The following RIPK3 variants were observed in gnomAD, a reference collection of about 807,000 sequenced individuals.
The protein encoded by RIPK3 is receptor-interacting serine/threonine-protein kinase 3.
A neutral mutation model predicts 51.6 loss-of-function variants in RIPK3; 51 were observed. The observed-to-expected ratio is 0.99, with a 90% CI of 0.79 to 1.25. RIPK3 has a LOEUF of 1.25. Among genes scored for constraint, RIPK3 ranks in the 50% most tolerant of loss-of-function variants. RIPK3 has a pLI of 0.00. For missense variants in RIPK3, 654 were observed against 650.4 expected, an observed-to-expected ratio of 1.01 and a Z score of -0.06; for synonymous variants, 246 against 257.7, an observed-to-expected ratio of 0.95 and a Z score of 0.44.
Position 24,338,248 on chromosome 14 carries a change from C to A in RIPK3, c.664+1G>T. The A allele has an allele frequency of 6.6e-7, 1 of 1,524,550 alleles. No homozygotes were observed. The highest frequency in any genetic ancestry group is 8.8e-7 in the Non-Finnish European group (1 of 1,136,524). 94.4% of individuals were successfully genotyped at this position (1,524,550 alleles called of 1,614,324 possible). On this transcript the variant is annotated splice_donor_variant, in intron 5 of 9. Coordinates refer to ENST00000216274, the MANE Select transcript of RIPK3 (RefSeq NM_006871.4). LOFTEE classifies it high-confidence loss of function. ...ATCCCAGAATCCTCCTAGAGTCTTA[C>A]ACTCAACTTCTCTTCCAGCAAGCAC... is the stretch of plus-strand genomic sequence containing the variant.
Position 24,339,647 on chromosome 14 carries a change from G to C in RIPK3, c.21-50C>G. On this transcript the variant is annotated intron_variant, in intron 1 of 9. Coordinates refer to ENST00000216274, the MANE Select transcript of RIPK3 (RefSeq NM_006871.4). This position sits in a 1 kb window ranked among gnomAD's most constrained non-coding sequence, Gnocchi z 4.0. ...GCCGGCCGTGCCGTGCCTCAGCGCT[G>C]CTCCCCGCGCCCCTGTGACTCGGCG... 6.2e-7 allele frequency: 1 copy of C among 1,609,352 alleles called. No homozygotes were observed. Among genetic ancestry groups the C allele is most frequent in the Non-Finnish European group, 8.5e-7 (1 of 1,176,826 alleles).
chr14:24,339,279 G>C lies in RIPK3; in HGVS notation c.207C>G (p.Asn69Lys). 1 of 1,613,780 alleles carries C rather than the reference G, an allele frequency of 6.2e-7. No homozygotes were observed. The highest frequency in any genetic ancestry group is 1.1e-5 in the South Asian group (1 of 91,078). Residue 69 changes from asparagine (N) to lysine (K), a missense_variant, in exon 3 of 10, where the codon AAC becomes AAG. Coordinates refer to ENST00000216274, the MANE Select transcript of RIPK3 (RefSeq NM_006871.4). This position sits in a 1 kb window ranked among gnomAD's most constrained non-coding sequence, Gnocchi z 4.0. ...CCCCTTCTAGGCGCAGCACGAATTCGTTATCCAGACTTGCCATGGCCTTGA... is the reference window on the plus strand; with the variant it reads ...CCCCTTCTAGGCGCAGCACGAATTCCTTATCCAGACTTGCCATGGCCTTGA... ...REVKAMASLDNEFVLRLEGVI... is the reference protein window; with the variant it reads ...REVKAMASLDKEFVLRLEGVI...
At chr14:24,338,989 G>C in intron 3 of RIPK3, 26 bp downstream of exon 3, 1 of 1,586,162 alleles carries the variant, frequency 6.3e-7, no homozygotes, top group Non-Finnish European at 8.7e-7. Flanking sequence ...TTGTCTTGAG[G>C]CTGAGAGGGG....
In RIPK3 at chr14:24,339,492, C is replaced by T; in HGVS notation, c.126G>A (p.Lys42=). The T allele has an allele frequency of 6.2e-7, 1 of 1,614,230 alleles. No homozygotes were observed. The change falls in exon 2 of 10, where the codon AAG becomes AAA. Residue 42 remains lysine, a synonymous_variant. Transcript: ENST00000216274. This position sits in a 1 kb window ranked among gnomAD's most constrained non-coding sequence, Gnocchi z 4.0. ...FGTVFRAQHR[K]WGYDVAVKIV... ...TCTTGACCGCCACATCGTAGCCCCACTTCCTATGTTGCGCCCGGAACACTG... is the reference window on the plus strand; with the variant it reads ...TCTTGACCGCCACATCGTAGCCCCATTTCCTATGTTGCGCCCGGAACACTG...
At position 24,339,607 on chromosome 14, in the gene RIPK3, G is replaced by C; in HGVS notation, c.21-10C>G. On this transcript the variant is annotated splice_polypyrimidine_tract_variant and intron_variant, in intron 1 of 9. Transcript: ENST00000216274. This position sits in a 1 kb window ranked among gnomAD's most constrained non-coding sequence, Gnocchi z 4.0. Reference sequence around the variant, plus strand: ...GGGGGCACCGCTGGGCCTGAGAGAGGGGTGTCGCCCACTAGCCGGCCGTGC... The same window carrying C: ...GGGGGCACCGCTGGGCCTGAGAGAGCGGTGTCGCCCACTAGCCGGCCGTGC... 1 of 1,613,888 alleles carries C rather than the reference G, an allele frequency of 6.2e-7. No homozygotes were observed. The highest frequency in any genetic ancestry group is 8.5e-7 in the Non-Finnish European group (1 of 1,179,942).
Position 24,339,618 on chromosome 14 carries a change from A to G in RIPK3, c.21-21T>C, listed in dbSNP as rs772225210. On this transcript the variant is annotated intron_variant, in intron 1 of 9. Transcript: ENST00000216274. This position sits in a 1 kb window ranked among gnomAD's most constrained non-coding sequence, Gnocchi z 4.0. ...TGGGCCTGAGAGAGGGGTGTCGCCCACTAGCCGGCCGTGCCGTGCCTCAGC... is the reference window on the plus strand; with the variant it reads ...TGGGCCTGAGAGAGGGGTGTCGCCCGCTAGCCGGCCGTGCCGTGCCTCAGC... The G allele has an allele frequency of 2.5e-6, 4 of 1,613,188 alleles. No homozygotes were observed. The East Asian group carries it at 6.7e-5, about 27-fold the overall frequency.
intron 9 of RIPK3, 79 bp downstream of exon 9, chr14:24,336,806 C>A: frequency 1.6e-6 from 2 of 1,281,980 alleles, no homozygotes; most frequent in Non-Finnish European, 2.3e-6. Context: ...ACAAAGTACC[C>A]TGAATCTAGA....
In RIPK3 at chr14:24,337,460, C is replaced by G; in HGVS notation, c.901G>C (p.Val301Leu). 1 of 1,612,358 alleles carries G rather than the reference C, an allele frequency of 6.2e-7. No homozygotes were observed. The highest frequency in any genetic ancestry group is 1.1e-5 in the South Asian group (1 of 91,020). ...ENNMNAAVST[V>L]KDFLSQLRSS... ...CTGAGCTGAGACAGGAAATCCTTTA[C>G]CTGCAGGGATGGGAGGAGTTTGCTG... Residue 301 changes from valine to leucine, a missense_variant and splice_region_variant, in exon 8 of 10, where the codon GTA becomes CTA. Coordinates refer to ENST00000216274, the MANE Select transcript of RIPK3 (RefSeq NM_006871.4).
At chr14:24,336,791 C>T in intron 9 of RIPK3, 94 bp downstream of exon 9, 1 of 1,142,380 alleles carries the variant, frequency 8.8e-7, no homozygotes, top group Non-Finnish European at 1.3e-6. Context: ...TCTCCCCTCC[C>T]CTCCACAAAG....
chr14:24,339,527 C>G lies in RIPK3; in HGVS notation c.91G>C (p.Gly31Arg). Reference protein sequence around the residue: ...LENQELVGKGGFGTVFRAQHR... With the variant: ...LENQELVGKGRFGTVFRAQHR... ...TGCGCCCGGAACACTGTGCCGAACCCGCCTTTGCCGACGAGCTCCTGGTTC... is the reference window on the plus strand; with the variant it reads ...TGCGCCCGGAACACTGTGCCGAACCGGCCTTTGCCGACGAGCTCCTGGTTC... The change falls in exon 2 of 10, where the codon GGG (glycine) becomes CGG (arginine). Residue 31 changes from glycine to arginine, a missense_variant. Physicochemically the swap from Gly to Arg is moderately radical, Grantham distance 125. Coordinates refer to ENST00000216274, the MANE Select transcript of RIPK3 (RefSeq NM_006871.4). The surrounding 1 kb of genome is among the most constrained non-coding windows in gnomAD (Gnocchi z 4.0). 2 of 1,614,210 alleles carry G rather than the reference C, an allele frequency of 1.2e-6. No homozygotes were observed. Among genetic ancestry groups the G allele is most frequent in the Non-Finnish European group, 1.7e-6 (2 of 1,180,040 alleles).
At chr14:24,338,913 C>T in intron 3 of RIPK3, 102 bp downstream of exon 3, 1 of 970,718 alleles carries the variant, frequency 1.0e-6, no homozygotes, top group Non-Finnish European at 1.6e-6. Flanking sequence ...GAGGCTACGC[C>T]TATTCAATAG....
rs762072030 is a variant in RIPK3 at position 24,339,472 on chromosome 14, A to G, written c.146T>C (p.Val49Ala). ...QHRKWGYDVA[V>A]KIVNSKAISR... ...GGTCACTCACGAGTTTACGATCTTG[A>G]CCGCCACATCGTAGCCCCACTTCCT... The change falls in exon 2 of 10, where the codon GTC becomes GCC. Residue 49 changes from valine (V) to alanine (A), a missense_variant. Coordinates refer to ENST00000216274, the MANE Select transcript of RIPK3 (RefSeq NM_006871.4). The surrounding 1 kb of genome is among the most constrained non-coding windows in gnomAD (Gnocchi z 4.0). 2 of 1,614,054 alleles carry G rather than the reference A, an allele frequency of 1.2e-6. No homozygotes were observed. Among genetic ancestry groups the G allele is most frequent in the African/African-American group, 2.7e-5 (2 of 74,992 alleles).
chr14:24,339,702 C>T lies in RIPK3; in HGVS notation c.20+105G>A, dbSNP rs980137714. On this transcript the variant is annotated intron_variant, in intron 1 of 9. Coordinates refer to ENST00000216274, the MANE Select transcript of RIPK3 (RefSeq NM_006871.4). This position sits in a 1 kb window ranked among gnomAD's most constrained non-coding sequence, Gnocchi z 4.0. ...CACTGCAATCCCCAGCCTCCCTCGC[C>T]GGCCCCCACCGTCCCCGGACTCAAA... 6.3e-7 allele frequency: 1 copy of T among 1,579,924 alleles called. No homozygotes were observed. The highest frequency in any genetic ancestry group is 8.6e-7 in the Non-Finnish European group (1 of 1,159,556).
rs766666759 is a variant in RIPK3 at position 24,337,263 on chromosome 14, C to G, written c.1098G>C (p.Pro366=). Residue 366 remains proline, a synonymous_variant, in exon 8 of 10, where the codon CCG becomes CCC. Transcript: ENST00000216274. ...GTGCCCTGCTCCTCTTGGTAAGGCTCGGGCATTTTTTAGGAACAGAGCTGG... is the reference window on the plus strand; with the variant it reads ...GTGCCCTGCTCCTCTTGGTAAGGCTGGGGCATTTTTTAGGAACAGAGCTGG... ...EPPSSVPKKC[P]SLTKRSRAQE... is the part of the protein sequence containing the mutation. 2 of 1,614,014 alleles carry G rather than the reference C, an allele frequency of 1.2e-6. No homozygotes were observed. Among genetic ancestry groups the G allele is most frequent in the Admixed American group, 1.7e-5 (1 of 60,010 alleles).
Position 24,339,074 on chromosome 14 carries a change from G to T in RIPK3, c.412C>A (p.Leu138Ile). Reference protein sequence around the residue: ...MFYLHDQNPVLLHRDLKPSNV... With the variant: ...MFYLHDQNPVILHRDLKPSNV... ...GATGGCTTGAGGTCCCGGTGCAGGAGCACCGGGTTCTGGTCGTGCAGGTAA... is the reference window on the plus strand; with the variant it reads ...GATGGCTTGAGGTCCCGGTGCAGGATCACCGGGTTCTGGTCGTGCAGGTAA... Residue 138 changes from leucine (L) to isoleucine (I), a missense_variant, in exon 3 of 10, where the codon CTC becomes ATC. By Grantham distance (5) the Leu-to-Ile change is conservative. Coordinates refer to ENST00000216274, the MANE Select transcript of RIPK3 (RefSeq NM_006871.4). The surrounding 1 kb of genome is among the most constrained non-coding windows in gnomAD (Gnocchi z 4.0). 6.2e-7 allele frequency: 1 copy of T among 1,614,162 alleles called. No homozygotes were observed. The highest frequency in any genetic ancestry group is 8.5e-7 in the Non-Finnish European group (1 of 1,180,024).
chr14:24,338,321 C>G lies in RIPK3; in HGVS notation c.618-26G>C, dbSNP rs745580534. The G allele has an allele frequency of 7.8e-6, 12 of 1,530,832 alleles. No individual in the cohort carries two copies. The East Asian group carries it at 9.1e-5, about 12-fold the overall frequency. 94.8% of individuals were successfully genotyped at this position (1,530,832 alleles called of 1,614,324 possible). A position where few individuals can be genotyped will look rare whatever the true frequency, so the allele number is the denominator to read the frequency against. On this transcript the variant is annotated intron_variant, in intron 4 of 9. Coordinates refer to ENST00000216274, the MANE Select transcript of RIPK3 (RefSeq NM_006871.4). ...CTGCAGGAGACACAAAGCTGAGGAT[C>G]GGTCCAATCACTGGCAAGACTCCTT...
intron 3 of RIPK3, chr14:24,338,783 G>C: frequency 2.8e-6 from 2 of 707,034 alleles, no homozygotes; most frequent in Middle Eastern, 3.5e-4. Flanking sequence ...ACTCTTTGGA[G>C]GGGCTGGTGG....
chr14:24,338,214 G>T lies in RIPK3; in HGVS notation c.664+35C>A, dbSNP rs936594580. 9.1e-6 allele frequency: 14 copies of T among 1,531,180 alleles called. No homozygotes were observed. The East Asian group carries it at 2.7e-4, about 30-fold the overall frequency. The allele number at this position is 1,531,180 out of a possible 1,614,324, so 94.8% of individuals were successfully genotyped here. On this transcript the variant is annotated intron_variant, in intron 5 of 9. Coordinates refer to ENST00000216274, the MANE Select transcript of RIPK3 (RefSeq NM_006871.4). ...GGGGCTTTCAAGAGAAGGGCACCTG[G>T]GGTTAAGGATCCCAGAATCCTCCTA...
rs1032689404 is a variant in RIPK3, at chr14:24,336,488, G to T, written c.1337-93C>A. On this transcript the variant is annotated intron_variant, in intron 9 of 9. Transcript: ENST00000216274. Reference sequence around the variant, plus strand: ...GGGAGTATGAAGTCTCTACTTGTCAGTGGCTGTGTCAAGGTGTGCCCTGTG... The same window carrying T: ...GGGAGTATGAAGTCTCTACTTGTCATTGGCTGTGTCAAGGTGTGCCCTGTG... 43 of 1,526,770 alleles carry T rather than the reference G, an allele frequency of 2.8e-5. No individual in the cohort carries two copies. In the Admixed American group the frequency reaches 7.4e-4, roughly 26 times the overall value. The allele number at this position is 1,526,770 out of a possible 1,614,324, so 94.6% of individuals were successfully genotyped here. A position where few individuals can be genotyped will look rare whatever the true frequency, so the allele number is the denominator to read the frequency against.
Sources: allele counts gnomAD v4.1 joint callset, GRCh38; gene constraint gnomAD v4.1.1; non-coding constraint Gnocchi (gnomAD v3.1); transcripts MANE v1.5; gene names NCBI Gene and HGNC (gene_info 2026-07-23, HGNC 2026-07-21).